The following C12orf42 variants were observed in gnomAD, a reference collection of about 807,000 sequenced individuals.
C12orf42 encodes the protein uncharacterized protein C12orf42.
In C12orf42, 25 loss-of-function variants were observed where a neutral mutation model predicts 21.6. The ratio of observed to expected loss-of-function variants is 1.16; its 90% CI spans 0.84 to 1.62. The LOEUF is 1.62. Among genes scored for constraint, C12orf42 ranks in the 40% most tolerant of loss-of-function variants. C12orf42 has a pLI of 0.00. For synonymous variants in C12orf42, 174 were observed against 175.0 expected, an observed-to-expected ratio of 0.99 and a Z score of 0.05; for missense variants, 483 against 459.3, an observed-to-expected ratio of 1.05 and a Z score of -0.47.
intron 2 of C12orf42, chr12:103,441,564 G>A (rs981980830): frequency 6.6e-6 from 1 of 152,202 alleles, no homozygotes; most frequent in Non-Finnish European, 1.5e-5. Flanking sequence ...AAGGCAATGA[G>A]CAGCACCTAA....
At chr12:103,330,965 A>G (rs907773439) in intron 4 of C12orf42, among the ~76,000 whole-genome samples, 1 of 152,240 alleles carries the variant, frequency 6.6e-6, no homozygotes, top group African/African-American at 2.4e-5. Context: ...ATAATCAGGG[A>G]GCCTAGAATG....
chr12:103,283,438 T>C (rs539879714), intron 4 of C12orf42, among the ~76,000 whole-genome samples: 1 of 152,176 alleles, frequency 6.6e-6, no homozygotes, highest in African/African-American at 2.4e-5. Context: ...TGACTCTCCA[T>C]TGCTATTAGA....
At chr12:103,102,388 C>T in the C12orf42 span, among the ~76,000 whole-genome samples, 1 of 152,162 alleles carries the variant, frequency 6.6e-6, no homozygotes, top group African/African-American at 2.4e-5. Context: ...GTCATCATTT[C>T]CATTCCAGAA....
At chr12:103,279,460 A>C (rs931029125) in intron 4 of C12orf42, among the ~76,000 whole-genome samples, 5 of 152,220 alleles carry the variant, frequency 3.3e-5, no homozygotes, top group Non-Finnish European at 7.3e-5. Flanking sequence ...TTTTATATAA[A>C]ATAGATATAG....
chr12:103,405,095 T>C (rs1734706754), intron 2 of C12orf42, among the ~76,000 whole-genome samples: 1 of 152,162 alleles, frequency 6.6e-6, no homozygotes, highest in Non-Finnish European at 1.5e-5. Context: ...ACTGAGCACA[T>C]GGCATTAGAG....
the C12orf42 span, among the ~76,000 whole-genome samples, chr12:103,225,235 G>T: frequency 5.3e-4 from 80 of 152,238 alleles, no homozygotes; most frequent in African/African-American, 1.9e-3. Context: ...GGCACCACAG[G>T]GTGGATAGGC....
chr12:103,275,049 A>T (rs966174143), intron 5 of C12orf42, among the ~76,000 whole-genome samples: 1 of 152,142 alleles, frequency 6.6e-6, no homozygotes, highest in Non-Finnish European at 1.5e-5. Flanking sequence ...TTTATTTACA[A>T]GCTTTATAGT....
intron 1 of C12orf42, among the ~76,000 whole-genome samples, chr12:103,479,932 A>C (rs1295458011): frequency 6.6e-6 from 1 of 151,918 alleles, no homozygotes; most frequent in African/African-American, 2.4e-5. Context: ...ACCTTATTTT[A>C]GTGTCAAAGT....
At chr12:103,286,399 G>T (rs2036463988) in intron 4 of C12orf42, among the ~76,000 whole-genome samples, 2 of 151,606 alleles carry the variant, frequency 1.3e-5, no homozygotes, top group Non-Finnish European at 2.9e-5. Context: ...ATGTAGTCAG[G>T]CCTCAACTTA....
chr12:103,282,937 A>AGCATTTT (rs1382402044), intron 4 of C12orf42, among the ~76,000 whole-genome samples: 2 of 152,204 alleles, frequency 1.3e-5, no homozygotes, highest in Admixed American at 1.3e-4. Context: ...ACCTCAACAC[A>AGCATTTT]GCATTTTTCA....
At chr12:103,236,723 A>T (rs553753812), downstream of C12orf42, among the ~76,000 whole-genome samples, 1 of 152,196 alleles carries the variant, frequency 6.6e-6, no homozygotes, top group South Asian at 2.1e-4. Context: ...CCTTAAAAAA[A>T]AAGTAAAGTG....
upstream of C12orf42, among the ~76,000 whole-genome samples, chr12:103,499,541 C>T (rs149198237): frequency 2.5e-3 from 383 of 152,294 alleles, 1 homozygote; most frequent in Middle Eastern, 0.014. Context: ...GAAGATGGCA[C>T]ACTGGCTTGG....
At chr12:103,322,106 C>T (rs1216234566) in intron 4 of C12orf42, among the ~76,000 whole-genome samples, 4 of 127,420 alleles carry the variant, frequency 3.1e-5, no homozygotes, top group Admixed American at 7.8e-5. Flanking sequence ...TGTGCACGCG[C>T]GTGCGTGCGC....
chr12:103,300,631 TTAAAG>T (rs2037585633), downstream of C12orf42, among the ~76,000 whole-genome samples: 1 of 152,224 alleles, frequency 6.6e-6, no homozygotes, highest in Non-Finnish European at 1.5e-5. Flanking sequence ...TTAAAATAAC[TTAAAG>T]TAATGATGTC....
At chr12:103,220,498 T>C in the C12orf42 span, among the ~76,000 whole-genome samples, 1 of 152,228 alleles carries the variant, frequency 6.6e-6, no homozygotes, top group African/African-American at 2.4e-5. Flanking sequence ...TGTCAGATTA[T>C]ACAAAAGATC....
chr12:103,072,747 T>G, the C12orf42 span, among the ~76,000 whole-genome samples: 1 of 152,218 alleles, frequency 6.6e-6, no homozygotes, highest in Admixed American at 6.5e-5. Context: ...CGTATCTTTT[T>G]CTCCACAACC....
chr12:103,145,512 A>G, the C12orf42 span, among the ~76,000 whole-genome samples: 41 of 152,348 alleles, frequency 2.7e-4, no homozygotes, highest in Non-Finnish European at 1.6e-4. Flanking sequence ...TCACTCTCAT[A>G]CATTATTGGT....
the C12orf42 span, among the ~76,000 whole-genome samples, chr12:103,173,681 C>A: frequency 6.6e-6 from 1 of 152,036 alleles, no homozygotes. Context: ...ATGCACCCTT[C>A]CCTCTTAAAA....
At chr12:103,378,890 T>C (rs954651080) in intron 3 of C12orf42, 1 of 151,654 alleles carries the variant, frequency 6.6e-6, no homozygotes, top group African/African-American at 2.4e-5. Context: ...AGCAAATGAA[T>C]GGAAAGAAAA....
Sources: gnomAD v4.1 joint callset for allele counts (sites outside exome capture counted in the v4.1 genomes callset) on GRCh38, gnomAD v4.1.1 for gene constraint, MANE v1.5 for transcripts, NCBI Gene and HGNC (gene_info 2026-07-23, HGNC 2026-07-21) for gene names.